The following CSPP1 variants were observed in gnomAD, a reference collection of about 807,000 sequenced individuals.
CSPP1 encodes centrosome and spindle pole-associated protein 1.
Under a neutral mutation model 164.4 loss-of-function variants are expected in CSPP1, and 126 were observed. That is an observed-to-expected ratio of 0.77 (90% confidence interval 0.66 to 0.89). CSPP1 has a LOEUF of 0.89. Ranked by LOEUF, CSPP1 falls within the 40% of genes least tolerant of loss-of-function variation. The pLI is 0.00. For synonymous variants in CSPP1, 472 were observed against 476.7 expected (o/e 0.99, Z 0.13); for missense variants, 1,395 against 1,449.8 (o/e 0.96, Z 0.61).
chr8:67,089,450 T>C (rs958465111), intron 4 of CSPP1, among the ~76,000 whole-genome samples: 1 of 152,228 alleles, frequency 6.6e-6, no homozygotes, highest in Admixed American at 6.5e-5. Flanking sequence ...ATGTAGACCA[T>C]GTCCAAAAGA....
intron 23 of CSPP1, 94 bp downstream of exon 23, chr8:67,163,892 A>C: frequency 1.0e-6 from 1 of 1,001,048 alleles, no homozygotes; most frequent in Non-Finnish European, 1.5e-6. Context: ...TTGCAGAAAC[A>C]GTATAGAGCG....
intron 13 of CSPP1, among the ~76,000 whole-genome samples, chr8:67,117,834 G>A (rs1818231132): frequency 6.6e-6 from 1 of 152,006 alleles, no homozygotes; most frequent in African/African-American, 2.4e-5. Flanking sequence ...TGTACCTATA[G>A]CAATCTGCAT....
chr8:67,183,838 TG>T (rs984158041), intron 28 of CSPP1, among the ~76,000 whole-genome samples: 10 of 147,584 alleles, frequency 6.8e-5, no homozygotes, highest in Admixed American at 2.7e-4. Context: ...TGTAAAAAAT[TG>T]GGAATTTTTT....
intron 1 of CSPP1, among the ~76,000 whole-genome samples, chr8:67,066,281 G>A (rs950680361): frequency 6.6e-6 from 1 of 152,132 alleles, no homozygotes; most frequent in African/African-American, 2.4e-5. Context: ...GTACCCATGG[G>A]AGGAAGTTGC....
At chr8:67,175,182 T>A in intron 25 of CSPP1, 114 bp from the exon 26 acceptor site, 2 of 758,922 alleles carry the variant, frequency 2.6e-6, no homozygotes, top group Non-Finnish European at 4.5e-6. Context: ...TCACTATTTC[T>A]ATCATTTCCT....
chr8:67,114,569 A>AATAT (rs1243813031), intron 12 of CSPP1, 199 bp downstream of exon 12: 2 of 152,362 alleles, frequency 1.3e-5, no homozygotes, highest in African/African-American at 2.4e-5. Flanking sequence ...TTATGCTGAG[A>AATAT]ATATATCCTG....
intron 22 of CSPP1, among the ~76,000 whole-genome samples, chr8:67,163,257 T>G (rs1828714162): frequency 6.6e-6 from 1 of 152,130 alleles, no homozygotes; most frequent in African/African-American, 2.4e-5. Flanking sequence ...CCAAAAGTAC[T>G]GCATTTACTG....
rs1810298618 is a variant in CSPP1 at position 67,085,923 on chromosome 8, C to T, written c.200-84C>T. ...TCTTGGAATAAGCATAATTCTGTTC[C>T]TTCTTACTGTGCTTTGTTACAGGAA... On this transcript the variant is annotated intron_variant, in intron 3 of 30. Coordinates refer to ENST00000678616, the MANE Select transcript of CSPP1 (RefSeq NM_001382391.1). The T allele has an allele frequency of 5.6e-6, 4 of 716,866 alleles. No homozygotes were observed. The Admixed American group carries it at 8.5e-5, about 15-fold the overall frequency. 44.4% of individuals were successfully genotyped at this position (716,866 alleles called of 1,614,324 possible).
intron 24 of CSPP1, among the ~76,000 whole-genome samples, chr8:67,171,062 A>G (rs2129566185): frequency 6.9e-6 from 1 of 145,056 alleles, no homozygotes; most frequent in African/African-American, 2.5e-5. Context: ...CTGGGATTAC[A>G]GGCATGAGCT....
At chr8:67,089,160 A>G (rs1055401452) in intron 4 of CSPP1, among the ~76,000 whole-genome samples, 1 of 152,032 alleles carries the variant, frequency 6.6e-6, no homozygotes, top group African/African-American at 2.4e-5. Context: ...AAATCTTTTA[A>G]TTTTGTCAAG....
At chr8:67,185,825 G>A (rs562711981) in intron 28 of CSPP1, among the ~76,000 whole-genome samples, 1 of 152,198 alleles carries the variant, frequency 6.6e-6, no homozygotes, top group East Asian at 1.9e-4. Flanking sequence ...AGCCAGAAAT[G>A]CATAAAAGTC....
At chr8:67,167,343 C>T (rs559390275) in intron 24 of CSPP1, among the ~76,000 whole-genome samples, 4 of 145,926 alleles carry the variant, frequency 2.7e-5, no homozygotes, top group African/African-American at 7.7e-5. Context: ...GGCGGCTGGG[C>T]GGAGGCTGCC....
intron 1 of CSPP1, among the ~76,000 whole-genome samples, chr8:67,069,404 T>C (rs566108475): frequency 6.6e-6 from 1 of 152,336 alleles, no homozygotes; most frequent in Non-Finnish European, 1.5e-5. Context: ...ATTTGTACTT[T>C]TTGTACTTTT....
chr8:67,148,316 T>C (rs145912159), intron 17 of CSPP1, among the ~76,000 whole-genome samples: 1 of 152,336 alleles, frequency 6.6e-6, no homozygotes, highest in African/African-American at 2.4e-5. Context: ...TTTTAGGATA[T>C]TGAAGAATAG....
intron 25 of CSPP1, chr8:67,173,569 A>G (rs1036656473): frequency 2.0e-5 from 3 of 152,188 alleles, no homozygotes; most frequent in Non-Finnish European, 4.4e-5. Flanking sequence ...GAAAGATAGT[A>G]AGAAGGAAAA....
chr8:67,145,719 G>C (rs916227392), intron 17 of CSPP1, among the ~76,000 whole-genome samples: 1 of 151,528 alleles, frequency 6.6e-6, no homozygotes, highest in Admixed American at 6.6e-5. Flanking sequence ...GTAGAGACGG[G>C]GTTTCACCAT....
chr8:67,066,454 A>G (rs1805572697), intron 1 of CSPP1, among the ~76,000 whole-genome samples: 1 of 150,894 alleles, frequency 6.6e-6, no homozygotes, highest in South Asian at 2.1e-4. Context: ...ATGTTATCAC[A>G]CTTTGACACC....
At chr8:67,130,405 A>G (rs1311292259) in intron 15 of CSPP1, among the ~76,000 whole-genome samples, 1 of 152,202 alleles carries the variant, frequency 6.6e-6, no homozygotes, top group Non-Finnish European at 1.5e-5. Context: ...TATGATTTAT[A>G]AACAGTGTAT....
chr8:67,196,498 C>G lies in CSPP1; in HGVS notation c.*905C>G, dbSNP rs1029491277. On this transcript the variant is annotated 3_prime_UTR_variant, in exon 31 of 31. Coordinates refer to ENST00000678616, the MANE Select transcript of CSPP1 (RefSeq NM_001382391.1). ...TCAGATTAGAATCTCAGAACCATGA[C>G]AGCTGAGAACATCCCCAGGCACTGC... is the stretch of plus-strand genomic sequence containing the variant. 1.3e-5 allele frequency among the ~76,000 whole-genome samples: 2 copies of G among 152,226 alleles called. No homozygotes were observed. The highest frequency in any genetic ancestry group is 4.8e-5 in the African/African-American group (2 of 41,452).
Sources: allele counts gnomAD v4.1 joint callset (sites outside exome capture counted in the v4.1 genomes callset), GRCh38; gene constraint gnomAD v4.1.1; transcripts MANE v1.5; gene names NCBI Gene and HGNC (gene_info 2026-07-23, HGNC 2026-07-21).